The following SLIT1 variants were observed in gnomAD, a reference collection of about 807,000 sequenced individuals.
SLIT1 encodes slit homolog 1 protein.
SLIT1 carries 66 observed loss-of-function variants against 186.1 expected under a neutral mutation model. That is an observed-to-expected ratio of 0.35 (90% confidence interval 0.29 to 0.44). The LOEUF (loss-of-function observed/expected upper bound fraction) is 0.44, where lower values mean the gene tolerates loss of function less well. SLIT1 is among the 20% of genes least tolerant of loss of function. SLIT1 has a pLI of 1.00. For synonymous variants in SLIT1, 761 were observed against 833.8 expected (o/e 0.91, Z 1.50); for missense variants, 1,638 against 2,037.4 (o/e 0.80, Z 3.77).
Position 97,031,608 on chromosome 10 carries a change from C to G in SLIT1, c.2508G>C (p.Leu836=). 1.3e-6 allele frequency: 2 copies of G among 1,550,756 alleles called. No homozygotes were observed. Among genetic ancestry groups the G allele is most frequent in the Non-Finnish European group, 1.7e-6 (2 of 1,146,208 alleles). ...GGATGGTGAGTGAGGAGACTTACAGCAGGCGCAGGGAGCGGAGTCCCTGGA... is the reference window on the plus strand; with the variant it reads ...GGATGGTGAGTGAGGAGACTTACAGGAGGCGCAGGGAGCGGAGTCCCTGGA... ...LAFQGLRSLR[L]LSLHGNDIST... Residue 836 remains leucine, a splice_region_variant and synonymous_variant, in exon 24 of 37, where the codon CTG becomes CTC. Coordinates refer to ENST00000266058, the MANE Select transcript of SLIT1 (RefSeq NM_003061.3).
At chr10:97,047,583 G>A in intron 16 of SLIT1, 107 bp downstream of exon 16, 1 of 1,157,554 alleles carries the variant, frequency 8.6e-7, no homozygotes, top group East Asian at 2.3e-5. Flanking sequence ...AGAGGCTCCA[G>A]TGGTTCAGCC....
chr10:97,013,847 C>G lies in SLIT1; in HGVS notation c.3110-13G>C, dbSNP rs367664749. 1.5e-5 allele frequency: 23 copies of G among 1,550,470 alleles called. No individual in the cohort carries two copies. The highest frequency in any genetic ancestry group is 2.0e-5 in the Admixed American group (1 of 50,990). The stretch of plus-strand genomic sequence containing the variant: ...TCACAGGCCTTTCCTGGGGAAAGAA[C>G]GAGCAAGGGGCAGGAGAGAAGCTGC... On this transcript the variant is annotated splice_polypyrimidine_tract_variant and intron_variant, in intron 29 of 36. Transcript: ENST00000266058.
Position 97,018,568 on chromosome 10 carries a change from C to T in SLIT1, c.2969+18G>A. The stretch of plus-strand genomic sequence containing the variant: ...CCCATCAGCACTCACCAGGCTCCTG[C>T]CCCTCCAGGTAACTCACGTGAACGG... On this transcript the variant is annotated intron_variant, in intron 28 of 36. Coordinates refer to ENST00000266058, the MANE Select transcript of SLIT1 (RefSeq NM_003061.3). The T allele has an allele frequency of 5.3e-6, 8 of 1,513,708 alleles. No individual in the cohort carries two copies. The highest frequency in any genetic ancestry group is 1.4e-5 in the African/African-American group (1 of 72,804). The allele number at this position is 1,513,708 out of a possible 1,614,324, so 93.8% of individuals were successfully genotyped here.
At chr10:97,172,138 G>T (rs1268510643) in intron 1 of SLIT1, among the ~76,000 whole-genome samples, 1 of 151,800 alleles carries the variant, frequency 6.6e-6, no homozygotes, top group African/African-American at 2.4e-5. Flanking sequence ...CACCTCCCAG[G>T]TTCAAGCTAT....
intron 23 of SLIT1, 62 bp from the exon 24 acceptor site, chr10:97,031,739 C>A (rs148902047): frequency 1.5e-6 from 2 of 1,364,200 alleles, no homozygotes; most frequent in South Asian, 1.3e-5. Flanking sequence ...TGGGCACAGC[C>A]GCCGCCCAGG....
At chr10:97,182,869 T>C (rs1343617196) in intron 1 of SLIT1, among the ~76,000 whole-genome samples, 2 of 151,894 alleles carry the variant, frequency 1.3e-5, no homozygotes, top group African/African-American at 2.4e-5. Flanking sequence ...CTCACGCCTG[T>C]AATCCCAACA....
At chr10:97,164,562 A>G (rs1850077217) in intron 2 of SLIT1, among the ~76,000 whole-genome samples, 1 of 152,176 alleles carries the variant, frequency 6.6e-6, no homozygotes, top group Non-Finnish European at 1.5e-5. Context: ...AGAACTGCAG[A>G]GGTGGGAGTT....
At chr10:97,105,084 G>A (rs773579339) in intron 4 of SLIT1, among the ~76,000 whole-genome samples, 10 of 152,178 alleles carry the variant, frequency 6.6e-5, no homozygotes, top group South Asian at 2.1e-4. Context: ...AGACCTGGCC[G>A]ATACTCAGCC....
Position 97,046,728 on chromosome 10 carries a change from C to T in SLIT1, c.1779G>A (p.Glu593=), listed in dbSNP as rs764442185. The change falls in exon 18 of 37, where the codon GAG becomes GAA. Residue 593 remains glutamate (E), a synonymous_variant. Coordinates refer to ENST00000266058, the MANE Select transcript of SLIT1 (RefSeq NM_003061.3). ...CCAGCTGGTTGGCAGTTAGGTGCAGCTCGCTCACAGAGGCTGCGCCCTCGA... is the reference window on the plus strand; with the variant it reads ...CCAGCTGGTTGGCAGTTAGGTGCAGTTCGCTCACAGAGGCTGCGCCCTCGA... The part of the protein sequence containing the change: ...GAFEGAASVS[E]LHLTANQLES... 1.2e-6 allele frequency: 2 copies of T among 1,612,498 alleles called. No homozygotes were observed. The highest frequency in any genetic ancestry group is 2.2e-5 in the South Asian group (2 of 91,096).
chr10:97,020,520 C>A (rs115512912), intron 26 of SLIT1, among the ~76,000 whole-genome samples: 2,650 of 152,368 alleles, frequency 0.017, 63 homozygotes, highest in African/African-American at 0.061. Flanking sequence ...CCCCCGGAGC[C>A]GTTACGGCTG....
At chr10:97,024,268 G>T (rs1218920392) in intron 25 of SLIT1, among the ~76,000 whole-genome samples, 10 of 152,084 alleles carry the variant, frequency 6.6e-5, no homozygotes, top group Admixed American at 6.5e-4. Context: ...CTCAGCTGAT[G>T]ATTCACAATC....
At chr10:97,074,592 A>G (rs1167808023) in intron 4 of SLIT1, among the ~76,000 whole-genome samples, 1 of 152,216 alleles carries the variant, frequency 6.6e-6, no homozygotes, top group Non-Finnish European at 1.5e-5. Context: ...TTCCAAGTTC[A>G]CACCAGCTCA....
In SLIT1 at chr10:97,000,486, C is replaced by T. The variant is rs182369294; in HGVS notation, c.*626G>A. 2.3e-3 allele frequency: 346 copies of T among 152,596 alleles called. 1 individual carries two copies. The highest frequency in any genetic ancestry group is 3.5e-3 in the Non-Finnish European group (237 of 68,218). The allele number at this position is 152,596 out of a possible 1,614,324, so 9.5% of individuals were successfully genotyped here. ...TAAGAACCACCTCCACCCACAGCCT[C>T]GTTCCCAAGCCGTGGCTGCAGAGCT... On this transcript the variant is annotated 3_prime_UTR_variant, in exon 37 of 37. Transcript: ENST00000266058.
intron 25 of SLIT1, among the ~76,000 whole-genome samples, chr10:97,028,413 A>T (rs1848564811): frequency 6.6e-6 from 1 of 151,972 alleles, no homozygotes; most frequent in African/African-American, 2.4e-5. Flanking sequence ...TCACAACAGA[A>T]TTCCAATGTC....
intron 4 of SLIT1, among the ~76,000 whole-genome samples, chr10:97,105,307 T>C (rs1344511957): frequency 6.6e-6 from 1 of 152,140 alleles, no homozygotes; most frequent in Non-Finnish European, 1.5e-5. Flanking sequence ...ATAAAGAAGA[T>C]GAGGAGATTC....
At chr10:97,123,722 G>A (rs899796619) in intron 4 of SLIT1, among the ~76,000 whole-genome samples, 5 of 151,826 alleles carry the variant, frequency 3.3e-5, no homozygotes, top group Admixed American at 2.0e-4. Flanking sequence ...CCTCGGAGGC[G>A]GAGGTTGCAG....
chr10:97,104,513 G>A (rs1385536552), intron 4 of SLIT1, among the ~76,000 whole-genome samples: 4 of 152,098 alleles, frequency 2.6e-5, no homozygotes, highest in Admixed American at 1.3e-4. Context: ...TTTCTATCCG[G>A]TCACTCCACA....
chr10:97,133,079 T>C (rs1336732253), intron 4 of SLIT1, among the ~76,000 whole-genome samples: 1 of 152,172 alleles, frequency 6.6e-6, no homozygotes, highest in African/African-American at 2.4e-5. Context: ...ATGGCAGCTT[T>C]ATCACAAGAG....
intron 4 of SLIT1, among the ~76,000 whole-genome samples, chr10:97,120,181 G>A (rs183853713): frequency 5.9e-5 from 9 of 151,974 alleles, no homozygotes; most frequent in East Asian, 1.9e-4. Context: ...TAAGGTGCAG[G>A]GTCAGATTCA....
Sources: allele counts gnomAD v4.1 joint callset (sites outside exome capture counted in the v4.1 genomes callset), GRCh38; gene constraint gnomAD v4.1.1; transcripts MANE v1.5; gene names NCBI Gene and HGNC (gene_info 2026-07-23, HGNC 2026-07-21).